Variants in FAM186A observed in about 807,000 individuals in gnomAD.
FAM186A encodes the protein family with sequence similarity 186 member A.
Under a neutral mutation model 216.8 loss-of-function variants are expected in FAM186A, and 163 were observed. That is an observed-to-expected ratio of 0.75 (90% confidence interval 0.66 to 0.86). The LOEUF is 0.86. Ranked by LOEUF, FAM186A falls within the 40% of genes least tolerant of loss-of-function variation. The probability of loss-of-function intolerance (pLI) is 0.00; values close to 1 mark genes in which losing one functional copy is unlikely to be tolerated. For missense variants in FAM186A, 2,184 were observed against 2,746.2 expected (o/e 0.80, Z 4.58); for synonymous variants, 805 against 1,025.3 (o/e 0.79, Z 4.10).
In FAM186A at chr12:50,351,096, T is replaced by C; in HGVS notation, c.5736A>G (p.Thr1912=). 1 of 1,551,392 alleles carries C rather than the reference T, an allele frequency of 6.4e-7. No homozygotes were observed. The highest frequency in any genetic ancestry group is 2.4e-5 in the East Asian group (1 of 40,894). Residue 1912 remains threonine, a synonymous_variant, in exon 4 of 8, where the codon ACA becomes ACG. Transcript: ENST00000327337. ...AAGAAGCTCGCCCAGGAAGGGTCCA[T>C]GTTGCCAGATGCTGCCCAGGGGTAG... ...APSTPGQHLA[T]WTLPGRASSL... is the part of the protein sequence containing the mutation.
In FAM186A at chr12:50,355,838, G is replaced by T. The variant is rs541010309; in HGVS notation, c.994C>A (p.Arg332=). The change falls in exon 4 of 8, where the codon CGA becomes AGA. Residue 332 remains arginine (R), a synonymous_variant. Transcript: ENST00000327337. ...DAEEKCEQLI[R]SKIVIEQLYA... is the part of the protein sequence containing the mutation. ...AGTTGTTCTATAACAATTTTGGATC[G>T]AATAAGTTGTTCACATTTTTCTTCT... 10 of 1,551,236 alleles carry T rather than the reference G, an allele frequency of 6.4e-6. No homozygotes were observed. In the East Asian group the frequency reaches 2.2e-4, roughly 34 times the overall value.
intron 7 of FAM186A, 115 bp from the exon 8 acceptor site, chr12:50,327,519 T>A: frequency 4.6e-6 from 3 of 655,096 alleles, no homozygotes; most frequent in Non-Finnish European, 8.0e-6. Flanking sequence ...AAAGATAAAC[T>A]AGTAAAATCT....
chr12:50,331,273 G>A (rs1012328627), intron 6 of FAM186A, among the ~76,000 whole-genome samples: 2 of 151,874 alleles, frequency 1.3e-5, no homozygotes, highest in African/African-American at 4.8e-5. Context: ...ACAGAGTTTC[G>A]CTGTTGCCCA....
At chr12:50,396,043 G>A (rs981612674) in intron 1 of FAM186A, among the ~76,000 whole-genome samples, 11 of 152,130 alleles carry the variant, frequency 7.2e-5, no homozygotes, top group African/African-American at 2.7e-4. Context: ...GATTACAGGC[G>A]TGAGCCACCA....
In FAM186A at chr12:50,379,092, T is replaced by C. The variant is rs868796404; in HGVS notation, c.193-15728A>G. 2.7e-5 allele frequency among the ~76,000 whole-genome samples: 4 copies of C among 148,702 alleles called. No individual in the cohort carries two copies. The South Asian group carries it at 6.5e-4, about 24-fold the overall frequency. ...GGCCGAGGCAGGCAGATCACCTGAG[T>C]TTAGGAGTTTGAGACCGGCCTGGCC... On this transcript the variant is annotated intron_variant, in intron 1 of 7. Coordinates refer to ENST00000327337, the MANE Select transcript of FAM186A (RefSeq NM_001145475.3).
chr12:50,340,921 C>T (rs918562006), intron 4 of FAM186A, among the ~76,000 whole-genome samples: 1 of 151,856 alleles, frequency 6.6e-6, no homozygotes, highest in African/African-American at 2.4e-5. Context: ...CTCAGCCTCC[C>T]AAGTAGCCAG....
chr12:50,332,258 C>A lies in FAM186A; in HGVS notation c.6697-437G>T, dbSNP rs554203033. Among the ~76,000 whole-genome samples the A allele has an allele frequency of 6.6e-5, 10 of 152,310 alleles. No homozygotes were observed. In the East Asian group the frequency reaches 1.9e-3, roughly 29 times the overall value. ...GTCAGACACTGAACTAAGCATTTTC[C>A]ATATATTAGCTGATTTGGTATTTAT... is the stretch of plus-strand genomic sequence containing the variant. On this transcript the variant is annotated intron_variant, in intron 5 of 7. Coordinates refer to ENST00000327337, the MANE Select transcript of FAM186A (RefSeq NM_001145475.3).
intron 7 of FAM186A, among the ~76,000 whole-genome samples, chr12:50,329,739 GACGTAC>G (rs2138755643): frequency 6.6e-6 from 1 of 152,086 alleles, no homozygotes; most frequent in African/African-American, 2.4e-5. Context: ...TGGGATTACA[GACGTAC>G]ACCATCATGC....
Position 50,352,552 on chromosome 12 carries a change from T to C in FAM186A, c.4280A>G (p.Gln1427Arg), listed in dbSNP as rs757774019. ...GAGAGTGATCTCCTGAGCCTGTGCC[T>C]GCTGAGGGGTGAAAGGGATCCCCAA... ...QELGIPFTPQQAQAQEITLTP... is the reference protein window; with the variant it reads ...QELGIPFTPQRAQAQEITLTP... The change falls in exon 4 of 8, where the codon CAG becomes CGG. Residue 1427 changes from glutamine to arginine, a missense_variant. Gln to Arg is a conservative substitution (Grantham distance 43). Coordinates refer to ENST00000327337, the MANE Select transcript of FAM186A (RefSeq NM_001145475.3). 1.4e-6 allele frequency: 2 copies of C among 1,480,478 alleles called. No individual in the cohort carries two copies. The highest frequency in any genetic ancestry group is 2.9e-5 in the African/African-American group (2 of 68,058). 91.7% of individuals were successfully genotyped at this position (1,480,478 alleles called of 1,614,324 possible).
At chr12:50,374,027 C>A (rs2136102425) in intron 1 of FAM186A, among the ~76,000 whole-genome samples, 1 of 151,774 alleles carries the variant, frequency 6.6e-6, no homozygotes, top group African/African-American at 2.4e-5. Flanking sequence ...TGGAAATCAT[C>A]ATTCTCAGTA....
chr12:50,360,986 T>C, intron 2 of FAM186A, 60 bp from the exon 3 acceptor site: 2 of 1,311,840 alleles, frequency 1.5e-6, no homozygotes, highest in Non-Finnish European at 2.1e-6. Context: ...TATAGCTACA[T>C]AGGCTTATAA....
chr12:50,385,698 C>G (rs1171402569), intron 1 of FAM186A, among the ~76,000 whole-genome samples: 1 of 151,596 alleles, frequency 6.6e-6, no homozygotes, highest in East Asian at 2.0e-4. Flanking sequence ...CTCAGGAGAT[C>G]TAGACCATCC....
chr12:50,395,324 A>G (rs2136110222), intron 1 of FAM186A, among the ~76,000 whole-genome samples: 1 of 152,278 alleles, frequency 6.6e-6, no homozygotes, highest in African/African-American at 2.4e-5. Flanking sequence ...CCTGGGCTCA[A>G]GAGATCCTCC....
intron 1 of FAM186A, among the ~76,000 whole-genome samples, chr12:50,374,083 T>C (rs1943174637): frequency 7.0e-6 from 1 of 142,562 alleles, no homozygotes; most frequent in South Asian, 2.2e-4. Flanking sequence ...TTCTCACTCA[T>C]AGGTGGGAAC....
intron 4 of FAM186A, among the ~76,000 whole-genome samples, chr12:50,342,835 G>C (rs1000431830): frequency 6.6e-6 from 1 of 150,864 alleles, no homozygotes; most frequent in South Asian, 2.1e-4. Context: ...GGCACAACAC[G>C]ATCATAACTC....
chr12:50,385,472 G>A (rs1286423088), intron 1 of FAM186A, among the ~76,000 whole-genome samples: 2 of 149,432 alleles, frequency 1.3e-5, no homozygotes, highest in South Asian at 2.1e-4. Flanking sequence ...CAGGGGAAAA[G>A]TTCCATGACA....
chr12:50,366,149 G>T, intron 1 of FAM186A: 1 of 581,242 alleles, frequency 1.7e-6, no homozygotes, highest in Non-Finnish European at 3.0e-6. Context: ...AATAAGATTT[G>T]GATTTTGCCA....
At position 50,354,734 on chromosome 12, in the gene FAM186A, C is replaced by T. The variant is rs775590205; in HGVS notation, c.2098G>A (p.Glu700Lys). The T allele has an allele frequency of 2.6e-6, 4 of 1,547,080 alleles. No individual in the cohort carries two copies. Among genetic ancestry groups the T allele is most frequent in the Non-Finnish European group, 2.6e-6 (3 of 1,146,230 alleles). ...AFDKKTVPKE[E>K]ELLKRAEAEK... ...GCTTCTGCTCTTTTTAATAACTCCT[C>T]TTCCTTCGGAACAGTCTTTTTGTCA... Residue 700 changes from glutamate to lysine, a missense_variant, in exon 4 of 8, where the codon GAG becomes AAG. Coordinates refer to ENST00000327337, the MANE Select transcript of FAM186A (RefSeq NM_001145475.3).
rs577843297 is a variant in FAM186A at position 50,350,361 on chromosome 12, C to T, written c.6471G>A (p.Lys2157=). The T allele has an allele frequency of 6.4e-7, 1 of 1,550,400 alleles. No homozygotes were observed. The highest frequency in any genetic ancestry group is 8.7e-7 in the Non-Finnish European group (1 of 1,146,462). The part of the protein sequence containing the change: ...DTVQLGYLFR[K]YIAYRLIQHA... The stretch of plus-strand genomic sequence containing the variant: ...GCTGGATCAGCCTATAGGCAATGTA[C>T]TTGCGGAATAAGTATCCCAACTGAA... Residue 2157 remains lysine (K), a synonymous_variant, in exon 4 of 8, where the codon AAG becomes AAA. Coordinates refer to ENST00000327337, the MANE Select transcript of FAM186A (RefSeq NM_001145475.3).
Sources: allele counts gnomAD v4.1 joint callset (sites outside exome capture counted in the v4.1 genomes callset), GRCh38; gene constraint gnomAD v4.1.1; transcripts MANE v1.5; gene names NCBI Gene and HGNC (gene_info 2026-07-23, HGNC 2026-07-21).